MYH11: variants seen among roughly 807,000 people sequenced by gnomAD.
MYH11 encodes myosin heavy chain 11, also known as myosin-11.
In MYH11, 80 loss-of-function variants were observed where a neutral mutation model predicts 246.6. The observed-to-expected ratio is 0.32, with a 90% CI of 0.27 to 0.39. The LOEUF (loss-of-function observed/expected upper bound fraction) is 0.39. Among genes scored for constraint, MYH11 ranks in the 10% least tolerant of loss-of-function variants. The pLI, the probability that MYH11 is intolerant of heterozygous loss-of-function variation, is 1.00. For missense variants in MYH11, 2,158 were observed against 2,546.8 expected, an observed-to-expected ratio of 0.85 and a Z score of 3.29; for synonymous variants, 1,071 against 1,015.5, an observed-to-expected ratio of 1.05 and a Z score of -1.04.
intron 40 of MYH11, chr16:15,712,823 G>C (rs1242390248): frequency 6.6e-6 from 1 of 150,902 alleles, no homozygotes; most frequent in Non-Finnish European, 1.5e-5. Context: ...GTCACCCATG[G>C]GAGGCTTCTG....
rs781252922 is a variant in MYH11 at position 15,720,269 on chromosome 16, C to T, written c.4835G>A (p.Arg1612His). ...CTTCTTTGCTGCAGCTGCCAGGGCA[C>T]GTTGCTTTCGCTCGTCTTCCAGTTC... ...ETELEDERKQ[R>H]ALAAAAKKKL... Residue 1612 changes from arginine to histidine, a missense_variant, in exon 34 of 41, where the codon CGT (arginine) becomes CAT (histidine). This residue lies in a region of MYH11 where 1,013 missense variants were observed against 993.5 expected (regional missense o/e 1.02). Coordinates refer to ENST00000300036, the MANE Select transcript of MYH11 (RefSeq NM_002474.3). 20 of 1,614,132 alleles carry T rather than the reference C, an allele frequency of 1.2e-5. No individual in the cohort carries two copies. The highest frequency in any genetic ancestry group is 5.1e-6 in the Non-Finnish European group (6 of 1,180,012).
At chr16:15,763,304 T>A (rs1490353464) in intron 10 of MYH11, among the ~76,000 whole-genome samples, 1 of 151,746 alleles carries the variant, frequency 6.6e-6, no homozygotes, top group Non-Finnish European at 1.5e-5. Context: ...TGTATCCCAG[T>A]GGCATATTGC....
chr16:15,732,768 C>T (rs964663006), intron 26 of MYH11, 60 bp from the exon 27 acceptor site: 26 of 1,602,470 alleles, frequency 1.6e-5, no homozygotes, highest in African/African-American at 9.4e-5. Context: ...ATCTCAGTGC[C>T]GTGCAAAAGA....
At position 15,811,838 on chromosome 16, in the gene MYH11, T is replaced by C. The variant is rs536219223; in HGVS notation, c.502+11417A>G. ...TTATTTCTTTTTTTAATCCCCTGAGTGTGGCCATTTGTTGCTAATGAGGTG... is the reference window on the plus strand; with the variant it reads ...TTATTTCTTTTTTTAATCCCCTGAGCGTGGCCATTTGTTGCTAATGAGGTG... On this transcript the variant is annotated intron_variant, in intron 3 of 40. Coordinates refer to ENST00000300036, the MANE Select transcript of MYH11 (RefSeq NM_002474.3). Among the ~76,000 whole-genome samples, 11 of 152,132 alleles carry C rather than the reference T, an allele frequency of 7.2e-5. No homozygotes were observed. The East Asian group carries it at 9.7e-4, about 13-fold the overall frequency.
intron 6 of MYH11, among the ~76,000 whole-genome samples, chr16:15,779,585 AC>A (rs2042300374): frequency 6.6e-6 from 1 of 152,162 alleles, no homozygotes; most frequent in South Asian, 2.1e-4. Flanking sequence ...CCCTCCCCAG[AC>A]CCCACCCTGC....
chr16:15,709,511 C>G (rs918712907), intron 40 of MYH11, among the ~76,000 whole-genome samples: 1 of 152,114 alleles, frequency 6.6e-6, no homozygotes, highest in African/African-American at 2.4e-5. Flanking sequence ...GACGGAGTTT[C>G]ACCATGTTGG....
At chr16:15,765,522 C>A (rs781087499) in intron 9 of MYH11, among the ~76,000 whole-genome samples, 6 of 152,122 alleles carry the variant, frequency 3.9e-5, no homozygotes, top group African/African-American at 9.7e-5. Context: ...AATGCAAATT[C>A]TTGGCTTAGC....
Position 15,714,941 on chromosome 16 carries a change from G to A in MYH11, c.5754C>T (p.Gly1918=), listed in dbSNP as rs1226929579. The change falls in exon 40 of 41, where the codon GGC becomes GGT. Residue 1918 remains glycine (G), a synonymous_variant. Coordinates refer to ENST00000300036, the MANE Select transcript of MYH11 (RefSeq NM_002474.3). ...DEATESNEAM[G]REVNALKSKL... ...TGCTCTTGAGTGCGTTCACCTCGCG[G>A]CCCATGGCCTCGTTGCTCTCCGTGG... 6.2e-7 allele frequency: 1 copy of A among 1,614,058 alleles called. No homozygotes were observed. Among genetic ancestry groups the A allele is most frequent in the East Asian group, 2.2e-5 (1 of 44,884 alleles).
At chr16:15,815,340 A>T (rs80125178) in intron 3 of MYH11, among the ~76,000 whole-genome samples, 19,380 of 152,234 alleles carry the variant, frequency 0.13, 1,299 homozygotes, top group East Asian at 0.15. Context: ...GGATATTGCA[A>T]CCACAGAAAA....
chr16:15,748,213 A>G, intron 16 of MYH11, 45 bp from the exon 17 acceptor site: 1 of 1,610,418 alleles, frequency 6.2e-7, no homozygotes, highest in Non-Finnish European at 8.5e-7. Context: ...GCCAGAAACC[A>G]TGGCGCAGCA....
chr16:15,784,815 C>T, intron 5 of MYH11: 1 of 1,379,282 alleles, frequency 7.3e-7, no homozygotes, highest in South Asian at 1.2e-5. Flanking sequence ...TCCCCCCAAA[C>T]AGCCTGGAGT....
intron 3 of MYH11, among the ~76,000 whole-genome samples, chr16:15,820,331 G>A (rs993814824): frequency 2.0e-5 from 3 of 151,930 alleles, no homozygotes; most frequent in East Asian, 1.9e-4. Context: ...AAAATTAGCC[G>A]GGTGTGGTGG....
chr16:15,757,784 G>A (rs772355245), intron 13 of MYH11, 43 bp downstream of exon 13: 9 of 1,613,368 alleles, frequency 5.6e-6, no homozygotes, highest in Middle Eastern at 1.7e-4. Flanking sequence ...CCACACACGT[G>A]TACAAGGTGT....
intron 38 of MYH11, 33 bp downstream of exon 38, chr16:15,717,107 G>A: frequency 1.9e-6 from 3 of 1,610,104 alleles, no homozygotes; most frequent in Non-Finnish European, 2.6e-6. Flanking sequence ...TCACCCCCCT[G>A]CAAACTGGGT....
In MYH11 at chr16:15,718,707, A is replaced by G. The variant is rs930080532; in HGVS notation, c.5172-269T>C. ...TCCTGGCCTCCCCTTCTCCCCACACAGCTACTTATTGGGAATGAATGAAAG... is the reference window on the plus strand; with the variant it reads ...TCCTGGCCTCCCCTTCTCCCCACACGGCTACTTATTGGGAATGAATGAAAG... On this transcript the variant is annotated intron_variant, in intron 36 of 40. Coordinates refer to ENST00000300036, the MANE Select transcript of MYH11 (RefSeq NM_002474.3). 63 of 556,086 alleles carry G rather than the reference A, an allele frequency of 1.1e-4. 1 individual carries two copies. Among genetic ancestry groups the G allele is most frequent in the Non-Finnish European group, 1.3e-4 (41 of 311,766 alleles). 34.4% of individuals were successfully genotyped at this position (556,086 alleles called of 1,614,324 possible). A position where few individuals can be genotyped will look rare whatever the true frequency, so the allele number is the denominator to read the frequency against.
intron 9 of MYH11, 55 bp downstream of exon 9, chr16:15,771,513 CA>C (rs1216003228): frequency 6.4e-7 from 1 of 1,573,968 alleles, no homozygotes; most frequent in Non-Finnish European, 8.7e-7. Flanking sequence ...GAGTTCTTAA[CA>C]GGTTCCACTG....
At chr16:15,796,002 T>A (rs2042734643) in intron 4 of MYH11, among the ~76,000 whole-genome samples, 1 of 152,122 alleles carries the variant, frequency 6.6e-6, no homozygotes, top group Admixed American at 6.5e-5. Context: ...ATTCTTATAA[T>A]GTATATTTAT....
intron 1 of MYH11, among the ~76,000 whole-genome samples, chr16:15,847,246 CTTTTTTTTT>C (rs545966682): frequency 8.9e-6 from 1 of 112,284 alleles, no homozygotes; most frequent in South Asian, 3.1e-4. Flanking sequence ...AAGTGGACTT[CTTTTTTTTT>C]TTTTTTTTTT....
intron 3 of MYH11, 119 bp downstream of exon 3, chr16:15,823,136 C>A (rs183922318): frequency 1.7e-5 from 24 of 1,408,476 alleles, no homozygotes; most frequent in Admixed American, 1.3e-4. Flanking sequence ...TTTTCAGCCA[C>A]AGTAACTCCT....
Sources: gnomAD v4.1 joint callset for allele counts (sites outside exome capture counted in the v4.1 genomes callset) on GRCh38, gnomAD v4.1.1 for gene constraint, gnomAD v4.1.1 regional missense constraint, MANE v1.5 for transcripts, NCBI Gene and HGNC (gene_info 2026-07-23, HGNC 2026-07-21) for gene names.